The following ARHGAP44 variants were observed in gnomAD, a reference collection of about 807,000 sequenced individuals.
The protein encoded by ARHGAP44 is rho GTPase-activating protein 44.
In ARHGAP44, 43 loss-of-function variants were observed where a neutral mutation model predicts 106.8. The ratio of observed to expected loss-of-function variants is 0.40; its 90% CI spans 0.32 to 0.52. ARHGAP44 has a LOEUF of 0.52. Ranked by LOEUF, ARHGAP44 falls within the 20% of genes least tolerant of loss-of-function variation. ARHGAP44 has a pLI of 0.48. For synonymous variants in ARHGAP44, 439 were observed against 410.3 expected, an observed-to-expected ratio of 1.07 and a Z score of -0.85; for missense variants, 866 against 1,050.5, an observed-to-expected ratio of 0.82 and a Z score of 2.43.
intron 4 of ARHGAP44, among the ~76,000 whole-genome samples, chr17:12,914,350 A>G (rs1454518469): frequency 6.6e-6 from 1 of 152,252 alleles, no homozygotes; most frequent in African/African-American, 2.4e-5. Context: ...ATGCACAAAG[A>G]GACTGCACAA....
At chr17:12,874,391 G>A (rs2036492692) in intron 1 of ARHGAP44, among the ~76,000 whole-genome samples, 1 of 152,126 alleles carries the variant, frequency 6.6e-6, no homozygotes, top group Non-Finnish European at 1.5e-5. Flanking sequence ...AGGAGAGCCA[G>A]TTAACAAGGT....
At chr17:12,825,804 A>G (rs766614229) in intron 1 of ARHGAP44, among the ~76,000 whole-genome samples, 4 of 152,186 alleles carry the variant, frequency 2.6e-5, no homozygotes, top group South Asian at 2.1e-4. Context: ...CACAGGGACC[A>G]TGTCTGTGTT....
intron 1 of ARHGAP44, among the ~76,000 whole-genome samples, chr17:12,843,555 C>T (rs996278894): frequency 6.7e-6 from 1 of 149,974 alleles, no homozygotes; most frequent in African/African-American, 2.5e-5. Flanking sequence ...TTTCCTGTTT[C>T]TTATGTCTAG....
At chr17:12,926,476 ATATATATG>A (rs2038244842) in intron 6 of ARHGAP44, among the ~76,000 whole-genome samples, 2 of 75,240 alleles carry the variant, frequency 2.7e-5, no homozygotes, top group Admixed American at 3.3e-4. Flanking sequence ...AATATATATA[ATATATATG>A]TATGTATAAT....
chr17:12,920,702 AT>A (rs1231031528), intron 6 of ARHGAP44, among the ~76,000 whole-genome samples: 2 of 152,178 alleles, frequency 1.3e-5, no homozygotes, highest in Non-Finnish European at 2.9e-5. Context: ...GAAATTTCGC[AT>A]TTTGGAGACT....
intron 1 of ARHGAP44, among the ~76,000 whole-genome samples, chr17:12,889,214 AT>A (rs969359693): frequency 1.3e-5 from 2 of 151,658 alleles, no homozygotes; most frequent in African/African-American, 4.9e-5. Flanking sequence ...TTAATTTATC[AT>A]TTTTGAGAAT....
At chr17:12,887,560 AG>A (rs2036918035) in intron 1 of ARHGAP44, among the ~76,000 whole-genome samples, 2 of 152,250 alleles carry the variant, frequency 1.3e-5, no homozygotes, top group South Asian at 4.1e-4. Context: ...TATTTTGTTA[AG>A]GACTTTTACA....
chr17:12,962,183 G>A (rs2039279593), intron 16 of ARHGAP44, among the ~76,000 whole-genome samples: 1 of 152,076 alleles, frequency 6.6e-6, no homozygotes, highest in Admixed American at 6.6e-5. Flanking sequence ...GAAATGGTAA[G>A]TTACCGATTT....
intron 8 of ARHGAP44, among the ~76,000 whole-genome samples, chr17:12,942,147 T>A (rs11867645): frequency 8.9e-4 from 136 of 152,294 alleles, no homozygotes; most frequent in Admixed American, 1.4e-3. Context: ...TTAATTAATT[T>A]ATTTATTTTT....
rs2143405332 is a variant in ARHGAP44 at position 12,980,160 on chromosome 17, T to G, written c.1866T>G (p.Pro622=). The G allele has an allele frequency of 1.2e-6, 2 of 1,613,432 alleles. No homozygotes were observed. The highest frequency in any genetic ancestry group is 1.7e-6 in the Non-Finnish European group (2 of 1,179,858). ...CAGGGACTCAACCAGGGGCTCAACCTGGAGCTCAGCCGGGCGCCAGCCCCA... is the reference window on the plus strand; with the variant it reads ...CAGGGACTCAACCAGGGGCTCAACCGGGAGCTCAGCCGGGCGCCAGCCCCA... ...ACAGTQPGAQ[P]GAQPGASPSP... is the part of the protein sequence containing the mutation. Residue 622 remains proline (P), a synonymous_variant, in exon 19 of 21, where the codon CCT becomes CCG. Transcript: ENST00000379672.
chr17:12,945,462 G>A (rs138985369), intron 10 of ARHGAP44, among the ~76,000 whole-genome samples: 4 of 152,048 alleles, frequency 2.6e-5, no homozygotes, highest in African/African-American at 9.7e-5. Context: ...TAGGGCATGC[G>A]GTACGTGTTT....
At chr17:12,959,683 T>C (rs1052340952) in intron 16 of ARHGAP44, among the ~76,000 whole-genome samples, 1 of 152,180 alleles carries the variant, frequency 6.6e-6, no homozygotes, top group African/African-American at 2.4e-5. Context: ...CACGAATACC[T>C]CTTACAGGAG....
At chr17:12,869,225 C>G (rs1378499324) in intron 1 of ARHGAP44, among the ~76,000 whole-genome samples, 1 of 151,968 alleles carries the variant, frequency 6.6e-6, no homozygotes, top group Non-Finnish European at 1.5e-5. Flanking sequence ...TTGGAACGAG[C>G]AAGAAAATTC....
chr17:12,868,988 A>G (rs1312435289), intron 1 of ARHGAP44, among the ~76,000 whole-genome samples: 1 of 152,184 alleles, frequency 6.6e-6, no homozygotes, highest in African/African-American at 2.4e-5. Context: ...ATATATTACC[A>G]TAAAAGAGCA....
intron 7 of ARHGAP44, among the ~76,000 whole-genome samples, chr17:12,933,948 A>T (rs2038472760): frequency 6.7e-6 from 1 of 149,850 alleles, no homozygotes; most frequent in African/African-American, 2.5e-5. Flanking sequence ...TCCCGGGTTC[A>T]TGCCATTCTC....
rs1373487840 is a variant in ARHGAP44 at position 12,949,265 on chromosome 17, A to G, written c.973+14A>G. 14 of 1,550,890 alleles carry G rather than the reference A, an allele frequency of 9.0e-6. No individual in the cohort carries two copies. Among genetic ancestry groups the G allele is most frequent in the Admixed American group, 7.8e-5 (4 of 51,100 alleles). On this transcript the variant is annotated intron_variant, in intron 11 of 20. Transcript: ENST00000379672. The surrounding 1 kb of genome is among the most constrained non-coding windows in gnomAD (Gnocchi z 4.1). ...ACGCAATTGCAGGTGGGCACCTCTC[A>G]GCGCTCCTGTGTGCCATGGAGGCTC... is the stretch of plus-strand genomic sequence containing the variant.
At chr17:12,827,461 C>A (rs939694086) in intron 1 of ARHGAP44, among the ~76,000 whole-genome samples, 9 of 151,984 alleles carry the variant, frequency 5.9e-5, no homozygotes, top group African/African-American at 2.2e-4. Context: ...GCTAAACAAA[C>A]CCAACTTTAT....
At chr17:12,939,669 T>C (rs1030446782) in intron 7 of ARHGAP44, among the ~76,000 whole-genome samples, 4 of 152,144 alleles carry the variant, frequency 2.6e-5, no homozygotes, top group Non-Finnish European at 5.9e-5. Context: ...GGTTTCACCG[T>C]GTTAGCCAGG....
intron 1 of ARHGAP44, among the ~76,000 whole-genome samples, chr17:12,870,915 A>C (rs149193384): frequency 6.7e-6 from 1 of 149,256 alleles, no homozygotes; most frequent in Admixed American, 6.7e-5. Flanking sequence ...GGACTCTTCT[A>C]CTCTTTTCTT....
Sources: gnomAD v4.1 joint callset for allele counts (sites outside exome capture counted in the v4.1 genomes callset) on GRCh38, gnomAD v4.1.1 for gene constraint, Gnocchi (gnomAD v3.1) non-coding constraint, MANE v1.5 for transcripts, NCBI Gene and HGNC (gene_info 2026-07-23, HGNC 2026-07-21) for gene names.